DLGAP2: variants seen among roughly 807,000 people sequenced by gnomAD.
The protein encoded by DLGAP2 is DLG associated protein 2.
In DLGAP2, 26 loss-of-function variants were observed where a neutral mutation model predicts 100.3. The ratio of observed to expected loss-of-function variants is 0.26; its 90% CI spans 0.19 to 0.36. The LOEUF (loss-of-function observed/expected upper bound fraction) is 0.36, where lower values mean the gene tolerates loss of function less well. DLGAP2 is among the 10% of genes least tolerant of loss of function. The pLI is 1.00. For synonymous variants in DLGAP2, 886 were observed against 630.1 expected (o/e 1.41, Z -6.08); for missense variants, 1,858 against 1,453.2 (o/e 1.28, Z -4.53).
At chr8:1,121,711 C>CA (rs1796053676) in intron 2 of DLGAP2, among the ~76,000 whole-genome samples, 1 of 84,970 alleles carries the variant, frequency 1.2e-5, no homozygotes, top group Admixed American at 1.1e-4. Context: ...CATGACCACC[C>CA]ATCCTTGTCC....
intron 3 of DLGAP2, among the ~76,000 whole-genome samples, chr8:1,436,144 T>A (rs73172546): frequency 0.2 from 30,232 of 151,928 alleles, 3,602 homozygotes; most frequent in Middle Eastern, 0.29. Flanking sequence ...CAAGGTGAAC[T>A]CCCACCACAA....
chr8:773,437 G>A lies in DLGAP2; in HGVS notation c.18+35612G>A, dbSNP rs546135729. ...ATGTATACATGTGCCATGCTGGTGC[G>A]CTGCACTCACTAACTCGTCATCTAG... On this transcript the variant is annotated intron_variant, in intron 1 of 14. Coordinates refer to ENST00000637795, the MANE Select transcript of DLGAP2 (RefSeq NM_001346810.2). Among the ~76,000 whole-genome samples, 10 of 151,354 alleles carry A rather than the reference G, an allele frequency of 6.6e-5. No individual in the cohort carries two copies. In the South Asian group the frequency reaches 8.4e-4, roughly 13 times the overall value.
chr8:817,107 C>T (rs1279028557), intron 1 of DLGAP2, among the ~76,000 whole-genome samples: 1 of 148,782 alleles, frequency 6.7e-6, no homozygotes, highest in Non-Finnish European at 1.5e-5. Context: ...CGCCGCTGCA[C>T]TCCAGCCTGG....
At position 852,270 on chromosome 8, in the gene DLGAP2, G is replaced by A. The variant is rs540692218; in HGVS notation, c.19-55642G>A. 2.5e-3 allele frequency among the ~76,000 whole-genome samples: 378 copies of A among 152,304 alleles called. 1 individual carries two copies. The highest frequency in any genetic ancestry group is 8.7e-3 in the African/African-American group (363 of 41,580). ...ACTTCCGTGTCCCCTCTCCCTGCAC[G>A]TGGATCTGGAGGCCACAGGCCTGGG... On this transcript the variant is annotated intron_variant, in intron 1 of 14. Coordinates refer to ENST00000637795, the MANE Select transcript of DLGAP2 (RefSeq NM_001346810.2).
At chr8:1,118,418 C>G (rs2129047101) in intron 2 of DLGAP2, among the ~76,000 whole-genome samples, 1 of 152,206 alleles carries the variant, frequency 6.6e-6, no homozygotes, top group East Asian at 1.9e-4. Context: ...GTGTAAAGTG[C>G]TCATTTTAGC....
At chr8:1,501,293 G>A in intron 3 of DLGAP2, 73 bp from the exon 4 acceptor site, 1 of 1,464,468 alleles carries the variant, frequency 6.8e-7, no homozygotes, top group East Asian at 2.5e-5. Context: ...GGAGGGTTTT[G>A]AAGATGTGCA....
intron 6 of DLGAP2, among the ~76,000 whole-genome samples, chr8:1,587,049 C>T (rs1252384940): frequency 6.6e-6 from 1 of 152,132 alleles, no homozygotes; most frequent in Non-Finnish European, 1.5e-5. Flanking sequence ...GCGGGAGGGG[C>T]AAGGATCCCA....
chr8:1,180,249 C>T (rs1485609885), intron 2 of DLGAP2, among the ~76,000 whole-genome samples: 2 of 152,208 alleles, frequency 1.3e-5, no homozygotes, highest in Non-Finnish European at 2.9e-5. Context: ...TCTAGCTACA[C>T]ATATGTCCAT....
At chr8:798,315 C>T (rs1227854005) in intron 1 of DLGAP2, among the ~76,000 whole-genome samples, 1 of 149,262 alleles carries the variant, frequency 6.7e-6, no homozygotes, top group African/African-American at 2.5e-5. Context: ...GGGGTGCCTG[C>T]TTCCGTTGGC....
At position 1,501,735 on chromosome 8, in the gene DLGAP2, A is replaced by G. The variant is rs150606854; in HGVS notation, c.172+304A>G. Among the ~76,000 whole-genome samples, 393 of 152,220 alleles carry G rather than the reference A, an allele frequency of 2.6e-3. 1 individual carries two copies. The highest frequency in any genetic ancestry group is 8.8e-3 in the African/African-American group (367 of 41,542). ...CCCTTGCTCCTCTGTGTCTAAACAT[A>G]TTCTAAGCAAACTCAGGAAGCAGGG... On this transcript the variant is annotated intron_variant, in intron 4 of 14. Transcript: ENST00000637795.
At chr8:1,366,218 T>G (rs1802105152) in intron 3 of DLGAP2, among the ~76,000 whole-genome samples, 1 of 152,256 alleles carries the variant, frequency 6.6e-6, no homozygotes, top group Non-Finnish European at 1.5e-5. Context: ...TTCTGTACTG[T>G]CAATATTCAT....
At chr8:1,387,650 G>T (rs559840730) in intron 3 of DLGAP2, among the ~76,000 whole-genome samples, 41 of 152,342 alleles carry the variant, frequency 2.7e-4, no homozygotes, top group South Asian at 6.2e-4. Context: ...TGACTTCAAA[G>T]TGTGGAAGAA....
intron 1 of DLGAP2, among the ~76,000 whole-genome samples, chr8:899,477 G>A (rs1798209349): frequency 6.6e-6 from 1 of 152,238 alleles, no homozygotes; most frequent in African/African-American, 2.4e-5. Flanking sequence ...CGGGGTACAT[G>A]ACTGGCCTGC....
chr8:860,183 A>G (rs1502992), intron 1 of DLGAP2, among the ~76,000 whole-genome samples: 2,368 of 152,256 alleles, frequency 0.016, 62 homozygotes, highest in African/African-American at 0.053. Context: ...TTCTTGTGGT[A>G]GCCTTACAGA....
chr8:1,585,367 GCCA>G (rs35469352), intron 6 of DLGAP2, among the ~76,000 whole-genome samples: 60,534 of 151,936 alleles, frequency 0.4, 12,147 homozygotes, highest in East Asian at 0.49. Context: ...AGGTGGCCGA[GCCA>G]GGAGAATTGC....
At chr8:779,580 C>T (rs913260659) in intron 1 of DLGAP2, among the ~76,000 whole-genome samples, 3 of 151,706 alleles carry the variant, frequency 2.0e-5, no homozygotes, top group African/African-American at 7.3e-5. Flanking sequence ...CTTCCCACCT[C>T]AGTCTCCCAA....
At chr8:1,654,803 A>G (rs1798247351) in intron 8 of DLGAP2, among the ~76,000 whole-genome samples, 1 of 152,200 alleles carries the variant, frequency 6.6e-6, no homozygotes, top group Non-Finnish European at 1.5e-5. Flanking sequence ...AGTGTGCGCC[A>G]TCACTGATGA....
chr8:1,503,528 C>T (rs567459467), intron 4 of DLGAP2, among the ~76,000 whole-genome samples: 2 of 152,102 alleles, frequency 1.3e-5, no homozygotes, highest in South Asian at 2.1e-4. Context: ...CGTGGACAGA[C>T]CCCGGGTCGC....
At chr8:950,802 T>G (rs1189992662) in intron 2 of DLGAP2, among the ~76,000 whole-genome samples, 1 of 151,918 alleles carries the variant, frequency 6.6e-6, no homozygotes, top group Non-Finnish European at 1.5e-5. Context: ...TTTTGTATTT[T>G]TTTAGTAGAG....
Sources: allele counts gnomAD v4.1 joint callset (sites outside exome capture counted in the v4.1 genomes callset), GRCh38; gene constraint gnomAD v4.1.1; transcripts MANE v1.5; gene names NCBI Gene and HGNC (gene_info 2026-07-23, HGNC 2026-07-21).